Variants in MGST1 observed in about 807,000 individuals in gnomAD.
MGST1 encodes microsomal glutathione S-transferase 1.
A neutral mutation model predicts 8.9 loss-of-function variants in MGST1; 5 were observed. That is an observed-to-expected ratio of 0.56 (90% CI 0.29 to 1.19). The LOEUF (loss-of-function observed/expected upper bound fraction) is 1.19, where lower values mean the gene tolerates loss of function less well. Among genes scored for constraint, MGST1 ranks in the 50% most tolerant of loss-of-function variants. The pLI, the probability that MGST1 is intolerant of heterozygous loss-of-function variation, is 0.08. For missense variants in MGST1, 182 were observed against 187.4 expected (o/e 0.97, Z 0.17); for synonymous variants, 54 against 67.8 (o/e 0.80, Z 1.00).
chr12:16,570,656 G>C (rs1865410083), intron 4 of MGST1, among the ~76,000 whole-genome samples: 1 of 152,058 alleles, frequency 6.6e-6, no homozygotes, highest in South Asian at 2.1e-4. Context: ...GCTTAGCAAA[G>C]CTCCACTGTG....
intron 4 of MGST1, among the ~76,000 whole-genome samples, chr12:16,455,096 G>C (rs1436604017): frequency 6.6e-6 from 1 of 151,850 alleles, no homozygotes; most frequent in Non-Finnish European, 1.5e-5. Context: ...CTTTGGAATT[G>C]ACAGTGGAAA....
Position 16,537,923 on chromosome 12 carries a change from T to C in MGST1, n.483-51605T>C, listed in dbSNP as rs2137208580. 6.6e-6 allele frequency among the ~76,000 whole-genome samples: 1 copy of C among 152,342 alleles called. No individual in the cohort carries two copies. The highest frequency in any genetic ancestry group is 1.9e-4 in the East Asian group (1 of 5,172). On this transcript the variant is annotated intron_variant and non_coding_transcript_variant, in intron 4 of 4. Coordinates refer to the MGST1 transcript ENST00000538857. The surrounding 1 kb of genome is among the most constrained non-coding windows in gnomAD (Gnocchi z 4.6). ...ACATTTTCCCCATTGTCTTGGAGAT[T>C]AACATGTGGCTCCTTGTTACTTATG...
chr12:16,547,779 G>C lies in MGST1; in HGVS notation n.483-41749G>C, dbSNP rs1001239182. ...GCTAAAATTGTATTTTGTGCTAATG[G>C]CCTATTACAATAAACATGCAGATTG... is the stretch of plus-strand genomic sequence containing the variant. On this transcript the variant is annotated intron_variant and non_coding_transcript_variant, in intron 4 of 4. Coordinates refer to the MGST1 transcript ENST00000538857. The surrounding 1 kb of genome is among the most constrained non-coding windows in gnomAD (Gnocchi z 4.6). Among the ~76,000 whole-genome samples the C allele has an allele frequency of 3.3e-5, 5 of 152,050 alleles. No homozygotes were observed. Among genetic ancestry groups the C allele is most frequent in the African/African-American group, 1.2e-4 (5 of 41,408 alleles).
intron 4 of MGST1, among the ~76,000 whole-genome samples, chr12:16,562,976 T>A (rs1942454896): frequency 6.6e-6 from 1 of 152,216 alleles, no homozygotes; most frequent in African/African-American, 2.4e-5. Context: ...AAAGGACTCT[T>A]GAAGCAATAT....
intron 4 of MGST1, among the ~76,000 whole-genome samples, chr12:16,540,452 T>G (rs1009185577): frequency 7.2e-5 from 11 of 152,106 alleles, no homozygotes; most frequent in African/African-American, 2.7e-4. Flanking sequence ...TAAAAGGAAC[T>G]GAATATGTGT....
rs115093995 is a variant in MGST1, at chr12:16,446,162, A to G, written n.482+62558A>G. Among the ~76,000 whole-genome samples, 247 of 152,066 alleles carry G rather than the reference A, an allele frequency of 1.6e-3. 1 individual carries two copies. The highest frequency in any genetic ancestry group is 5.8e-3 in the African/African-American group (242 of 41,536). ...TAACTTTGACATTTTGGGTCTCCAA[A>G]TATCACTATCGAATTAGTGCCCATG... On this transcript the variant is annotated intron_variant and non_coding_transcript_variant, in intron 4 of 4. Transcript: ENST00000538857.
At chr12:16,521,090 C>T (rs1941645806) in intron 4 of MGST1, among the ~76,000 whole-genome samples, 1 of 152,154 alleles carries the variant, frequency 6.6e-6, no homozygotes, top group Admixed American at 6.5e-5. Flanking sequence ...CAATTGATTA[C>T]CGCTCTTTAG....
intron 4 of MGST1, among the ~76,000 whole-genome samples, chr12:16,577,598 G>T (rs909887388): frequency 6.6e-6 from 1 of 152,044 alleles, no homozygotes; most frequent in African/African-American, 2.4e-5. Context: ...TTCACAAAAC[G>T]TTTGTGGTAT....
At chr12:16,485,314 TG>T (rs1197638060) in intron 4 of MGST1, among the ~76,000 whole-genome samples, 1 of 152,222 alleles carries the variant, frequency 6.6e-6, no homozygotes, top group African/African-American at 2.4e-5. Context: ...TAACGTTCGG[TG>T]TAATAGCCAC....
At chr12:16,543,250 C>T (rs1044955778) in intron 4 of MGST1, among the ~76,000 whole-genome samples, 5 of 152,082 alleles carry the variant, frequency 3.3e-5, no homozygotes, top group African/African-American at 1.2e-4. Context: ...GAGGCTTCCC[C>T]AGTATAAATG....
chr12:16,501,098 GAAAAAAAA>G (rs71054822), intron 4 of MGST1, among the ~76,000 whole-genome samples: 4 of 83,822 alleles, frequency 4.8e-5, no homozygotes, highest in Non-Finnish European at 6.7e-5. Context: ...ACTCTGTCTC[GAAAAAAAA>G]AAAAAAAAAA....
chr12:16,352,698 C>T (rs1939523828), intron 1 of MGST1, among the ~76,000 whole-genome samples: 1 of 152,226 alleles, frequency 6.6e-6, no homozygotes, highest in African/African-American at 2.4e-5. Context: ...ACACAGATAA[C>T]TACATTCCTC....
intron 1 of MGST1, among the ~76,000 whole-genome samples, chr12:16,384,511 G>A (rs569089625): frequency 1.3e-5 from 2 of 152,278 alleles, no homozygotes; most frequent in East Asian, 3.9e-4. Context: ...GAAGGTAGGA[G>A]AGAGGCAAGG....
At chr12:16,556,574 G>C (rs1473308110) in intron 4 of MGST1, among the ~76,000 whole-genome samples, 1 of 152,160 alleles carries the variant, frequency 6.6e-6, no homozygotes, top group Non-Finnish European at 1.5e-5. Context: ...AACTTTAGAC[G>C]TCAATAAAGT....
chr12:16,351,198 G>A (rs139870021), intron 1 of MGST1, among the ~76,000 whole-genome samples: 1 of 152,136 alleles, frequency 6.6e-6, no homozygotes, highest in African/African-American at 2.4e-5. Context: ...AACTTCACAC[G>A]CTTGCTGTAT....
chr12:16,354,637 A>G (rs1365728839), intron 2 of MGST1: 1 of 246,676 alleles, frequency 4.1e-6, no homozygotes, highest in Non-Finnish European at 7.6e-6. Context: ...GATATTCTGG[A>G]ATATCAAAGT....
At chr12:16,399,603 A>G in intron 1 of MGST1, 10 of 1,607,480 alleles carry the variant, frequency 6.2e-6, no homozygotes, top group African/African-American at 1.3e-5. Flanking sequence ...CTCATCTTCA[A>G]TTTCAGACTC....
At position 16,401,305 on chromosome 12, in the gene MGST1, G is replaced by A; in HGVS notation, n.778+17701G>A. ...CAAACTGATGCTGAAAACCATTCCT[G>A]TCTTCAGTTTGTATTGATTTTTACT... On this transcript the variant is annotated intron_variant and non_coding_transcript_variant, in intron 1 of 1. Transcript: ENST00000359720. This position sits in a 1 kb window ranked among gnomAD's most constrained non-coding sequence, Gnocchi z 4.3. The A allele has an allele frequency of 6.8e-7, 1 of 1,477,742 alleles. No individual in the cohort carries two copies. The highest frequency in any genetic ancestry group is 1.7e-5 in the Admixed American group (1 of 59,676). 91.5% of individuals were successfully genotyped at this position (1,477,742 alleles called of 1,614,324 possible).
At chr12:16,382,705 G>T (rs1270526369), upstream of MGST1, 1 of 153,216 alleles carries the variant, frequency 6.5e-6, no homozygotes, top group Non-Finnish European at 1.5e-5. Flanking sequence ...GGTTACTGCG[G>T]TCTTTTTGTT....
Sources: allele counts gnomAD v4.1 joint callset (sites outside exome capture counted in the v4.1 genomes callset), GRCh38; gene constraint gnomAD v4.1.1; non-coding constraint Gnocchi (gnomAD v3.1); transcripts MANE v1.5; gene names NCBI Gene and HGNC (gene_info 2026-07-23, HGNC 2026-07-21).